FAM24B: variants seen among roughly 807,000 people sequenced by gnomAD.
FAM24B encodes the protein family with sequence similarity 24 member B.
In FAM24B, 3 loss-of-function variants were observed where a neutral mutation model predicts 2.3. The ratio of observed to expected loss-of-function variants is 1.29; its 90% confidence interval spans 0.59 to 3.32. The LOEUF (loss-of-function observed/expected upper bound fraction) is 3.32. Ranked by LOEUF, FAM24B falls within the 30% of genes most tolerant of loss-of-function variation. The pLI, the probability that FAM24B is intolerant of heterozygous loss-of-function variation, is 0.03. For synonymous variants in FAM24B, 36 were observed against 46.3 expected, an observed-to-expected ratio of 0.78 and a Z score of 0.90; for missense variants, 98 against 117.2, an observed-to-expected ratio of 0.84 and a Z score of 0.76.
intron 1 of FAM24B, among the ~76,000 whole-genome samples, chr10:122,872,455 T>C (rs1847912746): frequency 6.6e-6 from 1 of 152,254 alleles, no homozygotes; most frequent in African/African-American, 2.4e-5. Flanking sequence ...CAAAGGATTA[T>C]AAATCATGCT....
rs1337184677 is a variant in FAM24B at position 122,868,762 on chromosome 10, C to T, written c.-178+10723G>A. On this transcript the variant is annotated intron_variant, in intron 1 of 3. Coordinates refer to ENST00000368898, the MANE Select transcript of FAM24B (RefSeq NM_152644.3). ...AGATTTTGTCACCACCAGGCCTGCC[C>T]TAAAAGACCTCCTGAAGGAAGCACT... is the stretch of plus-strand genomic sequence containing the variant. 2.0e-5 allele frequency among the ~76,000 whole-genome samples: 3 copies of T among 152,098 alleles called. No individual in the cohort carries two copies. The East Asian group carries it at 5.8e-4, about 29-fold the overall frequency.
chr10:122,871,175 T>C (rs1183293673), intron 1 of FAM24B, among the ~76,000 whole-genome samples: 4 of 151,686 alleles, frequency 2.6e-5, no homozygotes. Flanking sequence ...ATGAGTGAAC[T>C]CCCATTCACA....
intron 1 of FAM24B, among the ~76,000 whole-genome samples, chr10:122,872,582 T>C (rs1228332260): frequency 6.6e-6 from 1 of 152,124 alleles, no homozygotes; most frequent in Non-Finnish European, 1.5e-5. Flanking sequence ...GTGGCACATA[T>C]ACACCATGGA....
intron 1 of FAM24B, among the ~76,000 whole-genome samples, chr10:122,861,775 A>G (rs894862187): frequency 6.6e-6 from 1 of 152,202 alleles, no homozygotes; most frequent in African/African-American, 2.4e-5. Flanking sequence ...GAATTTTTAT[A>G]TATTGACATC....
chr10:122,874,232 AG>A (rs1239521295), intron 1 of FAM24B, among the ~76,000 whole-genome samples: 1 of 152,216 alleles, frequency 6.6e-6, no homozygotes, highest in Non-Finnish European at 1.5e-5. Flanking sequence ...CAAGAGTAAT[AG>A]TGAATTTGTC....
chr10:122,850,620 C>A, intron 2 of FAM24B, 70 bp from the exon 3 acceptor site: 1 of 784,868 alleles, frequency 1.3e-6, no homozygotes, highest in Non-Finnish European at 2.3e-6. Context: ...CTAAGCAATG[C>A]CAATGTCAGG....
chr10:122,875,404 T>C (rs1019653748), intron 1 of FAM24B, among the ~76,000 whole-genome samples: 1 of 152,232 alleles, frequency 6.6e-6, no homozygotes, highest in African/African-American at 2.4e-5. Flanking sequence ...AATTACAAAA[T>C]CTGCATCATA....
chr10:122,853,330 T>C (rs1312433611), intron 2 of FAM24B, among the ~76,000 whole-genome samples: 1 of 152,174 alleles, frequency 6.6e-6, no homozygotes, highest in Non-Finnish European at 1.5e-5. Flanking sequence ...TCGCATGTGT[T>C]ATCCAGCCCA....
rs543282190 is a variant in FAM24B at position 122,874,338 on chromosome 10, T to G, written c.-178+5147A>C. On this transcript the variant is annotated intron_variant, in intron 1 of 3. Coordinates refer to ENST00000368898, the MANE Select transcript of FAM24B (RefSeq NM_152644.3). ...TTAAGGATTTTATTTTGCCTTCATT[T>G]ATTCCTTCTCTGATGCTCTTCCTTT... is the stretch of plus-strand genomic sequence containing the variant. 1.3e-4 allele frequency among the ~76,000 whole-genome samples: 20 copies of G among 152,368 alleles called. 1 individual carries two copies. Among genetic ancestry groups the G allele is most frequent in the East Asian group, 7.7e-4 (4 of 5,190 alleles).
intron 2 of FAM24B, 29 bp from the exon 3 acceptor site, chr10:122,850,579 A>G (rs1847514706): frequency 9.2e-6 from 11 of 1,192,478 alleles, no homozygotes; most frequent in Admixed American, 1.7e-5. Flanking sequence ...GCAAGCACTG[A>G]GCCCACGTGG....
intron 1 of FAM24B, among the ~76,000 whole-genome samples, chr10:122,857,309 A>G (rs944751339): frequency 2.0e-5 from 3 of 152,164 alleles, no homozygotes; most frequent in Non-Finnish European, 4.4e-5. Context: ...AATATACAGG[A>G]TATCTGCATG....
chr10:122,868,852 A>G (rs1847846007), intron 1 of FAM24B, among the ~76,000 whole-genome samples: 1 of 152,230 alleles, frequency 6.6e-6, no homozygotes, highest in Non-Finnish European at 1.5e-5. Flanking sequence ...AAGACCATCA[A>G]GGCTAGGAAG....
intron 1 of FAM24B, among the ~76,000 whole-genome samples, chr10:122,864,069 A>G (rs1167287864): frequency 1.3e-5 from 2 of 152,174 alleles, no homozygotes; most frequent in African/African-American, 4.8e-5. Flanking sequence ...AAAACAACAC[A>G]TGAAAAACAT....
chr10:122,870,797 G>A (rs1203876174), intron 1 of FAM24B, among the ~76,000 whole-genome samples: 1 of 152,130 alleles, frequency 6.6e-6, no homozygotes, highest in Non-Finnish European at 1.5e-5. Context: ...AAAATAATAA[G>A]AGCTATCTAT....
chr10:122,875,894 G>A (rs1000288035), intron 1 of FAM24B, among the ~76,000 whole-genome samples: 1 of 152,190 alleles, frequency 6.6e-6, no homozygotes, highest in African/African-American at 2.4e-5. Flanking sequence ...TGATGGGTAA[G>A]AGAAGAATGC....
chr10:122,854,254 A>C (rs893275418), intron 2 of FAM24B, among the ~76,000 whole-genome samples: 1 of 152,202 alleles, frequency 6.6e-6, no homozygotes, highest in African/African-American at 2.4e-5. Context: ...TTTTAGTAAT[A>C]TCTTTCTGAG....
At chr10:122,875,920 A>C (rs539433389) in intron 1 of FAM24B, among the ~76,000 whole-genome samples, 1 of 152,226 alleles carries the variant, frequency 6.6e-6, no homozygotes, top group Non-Finnish European at 1.5e-5. Flanking sequence ...GTGAGCATGC[A>C]TACAACTCCA....
intron 1 of FAM24B, among the ~76,000 whole-genome samples, chr10:122,865,124 A>C (rs1053312364): frequency 2.0e-5 from 3 of 152,198 alleles, no homozygotes; most frequent in Non-Finnish European, 4.4e-5. Flanking sequence ...TAAAATTCCA[A>C]CCAGCAGTGA....
chr10:122,858,232 G>A (rs2133829535), intron 1 of FAM24B, among the ~76,000 whole-genome samples: 1 of 152,272 alleles, frequency 6.6e-6, no homozygotes, highest in South Asian at 2.1e-4. Flanking sequence ...CATAAAAAAT[G>A]ATGAATTCAT....
Sources: allele counts gnomAD v4.1 joint callset (sites outside exome capture counted in the v4.1 genomes callset), GRCh38; gene constraint gnomAD v4.1.1; transcripts MANE v1.5; gene names NCBI Gene and HGNC (gene_info 2026-07-23, HGNC 2026-07-21).